VAMP7: variants seen among roughly 807,000 people sequenced by gnomAD.
VAMP7 encodes vesicle-associated membrane protein 7.
A neutral mutation model predicts 29.6 loss-of-function variants in VAMP7; 14 were observed. The observed-to-expected ratio is 0.47, with a 90% CI of 0.31 to 0.74. The LOEUF (loss-of-function observed/expected upper bound fraction) is 0.74, where lower values mean the gene tolerates loss of function less well. VAMP7 is among the 30% of genes least tolerant of loss of function. The probability of loss-of-function intolerance (pLI) is 0.05; values close to 1 mark genes in which losing one functional copy is unlikely to be tolerated. For missense variants in VAMP7, 223 were observed against 262.4 expected (o/e 0.85, Z 1.04); for synonymous variants, 95 against 88.1 (o/e 1.08, Z -0.44).
At chrX:155,914,370 T>G (rs1289945526) in intron 5 of VAMP7, among the ~76,000 whole-genome samples, 2 of 152,200 alleles carry the variant, frequency 1.3e-5, no homozygotes, top group Non-Finnish European at 2.9e-5. Flanking sequence ...TCTTGCCTGA[T>G]TGCCCTGGAC....
chrX:155,913,064 A>G (rs1000252100), intron 5 of VAMP7, among the ~76,000 whole-genome samples: 11 of 152,104 alleles, frequency 7.2e-5, no homozygotes, highest in Non-Finnish European at 1.5e-4. Flanking sequence ...AATGGTCGCC[A>G]TTCTTACTGG....
At chrX:155,914,316 A>G (rs1419948408) in intron 5 of VAMP7, among the ~76,000 whole-genome samples, 1 of 152,162 alleles carries the variant, frequency 6.6e-6, no homozygotes, top group Non-Finnish European at 1.5e-5. Context: ...AAGAGAGACA[A>G]TTTGACTTCC....
intron 4 of VAMP7, 151 bp downstream of exon 4, chrX:155,898,400 AT>A (rs2066015698): frequency 1.0e-6 from 1 of 1,000,812 alleles, no homozygotes; most frequent in African/African-American, 1.7e-5. Context: ...TAAAAAAAAA[AT>A]GTAAAGGGGC....
At chrX:155,926,624 A>T (rs1368736325) in intron 6 of VAMP7, among the ~76,000 whole-genome samples, 1 of 152,158 alleles carries the variant, frequency 6.6e-6, no homozygotes, top group Non-Finnish European at 1.5e-5. Context: ...TTGCTTTCTT[A>T]TATGTGTGTT....
At position 155,923,717 on chromosome X, in the gene VAMP7, A is replaced by G. The variant is rs185727312; in HGVS notation, c.501+3837A>G. On this transcript the variant is annotated intron_variant, in intron 6 of 7. Transcript: ENST00000286448. ...TTGTTGTAGTTTTCATCAAATTATG[A>G]AAATGTTTAGCTCTTTCTAGGCTTC... Among the ~76,000 whole-genome samples the G allele has an allele frequency of 9.2e-5, 14 of 152,102 alleles. 1 individual carries two copies. The highest frequency in any genetic ancestry group is 3.4e-4 in the African/African-American group (14 of 41,540).
chrX:155,941,957 A>T lies in VAMP7; in HGVS notation c.*6A>T. 6.2e-7 allele frequency: 1 copy of T among 1,613,822 alleles called. No homozygotes were observed. The highest frequency in any genetic ancestry group is 1.3e-5 in the African/African-American group (1 of 75,054). On this transcript the variant is annotated 3_prime_UTR_variant, in exon 8 of 8. Transcript: ENST00000286448. ...CAAGCTGTGTGAAGAAATAGGAAAG[A>T]AGAAGTTACCATTAACCAAGGATAT...
chrX:155,882,064 CAACT>C (rs759239342), intron 1 of VAMP7, among the ~76,000 whole-genome samples: 238 of 152,288 alleles, frequency 1.6e-3, no homozygotes, highest in African/African-American at 5.1e-3. Flanking sequence ...CACAACCAAC[CAACT>C]GTCTTCATTT....
chrX:155,897,981 G>A, intron 3 of VAMP7, 131 bp from the exon 4 acceptor site: 5 of 1,158,704 alleles, frequency 4.3e-6, no homozygotes, highest in Non-Finnish European at 6.0e-6. Context: ...CTTTAAGATA[G>A]GATCAATGCT....
In VAMP7 at chrX:155,895,280, G is replaced by A. The variant is rs1238440328; in HGVS notation, c.147-343G>A. Among the ~76,000 whole-genome samples, 3 of 152,282 alleles carry A rather than the reference G, an allele frequency of 2.0e-5. No homozygotes were observed. In the East Asian group the frequency reaches 5.8e-4, roughly 29 times the overall value. The stretch of plus-strand genomic sequence containing the variant: ...AGGAAAAAGCAAAGAAAACCATATG[G>A]CCTATTGGGGGTTAATCTTAATTAC... On this transcript the variant is annotated intron_variant, in intron 2 of 7. Transcript: ENST00000286448.
intron 5 of VAMP7, among the ~76,000 whole-genome samples, chrX:155,916,543 C>A (rs1442079482): frequency 1.3e-5 from 2 of 152,170 alleles, no homozygotes; most frequent in Non-Finnish European, 2.9e-5. Context: ...TCTTGTAAGG[C>A]AGGCCTGGTG....
chrX:155,915,907 C>T (rs952533633), intron 5 of VAMP7, among the ~76,000 whole-genome samples: 40 of 152,236 alleles, frequency 2.6e-4, no homozygotes, highest in African/African-American at 9.1e-4. Flanking sequence ...AGTTCAAGTC[C>T]TGAATATCCT....
At chrX:155,913,456 G>A (rs2066267186) in intron 5 of VAMP7, among the ~76,000 whole-genome samples, 1 of 152,108 alleles carries the variant, frequency 6.6e-6, no homozygotes, top group Admixed American at 6.5e-5. Context: ...CCATACCTAT[G>A]TCCTGAATGG....
intron 6 of VAMP7, among the ~76,000 whole-genome samples, 168 bp downstream of exon 6, chrX:155,920,048 A>G (rs930456338): frequency 2.6e-5 from 4 of 152,198 alleles, no homozygotes; most frequent in African/African-American, 9.6e-5. Flanking sequence ...AATGAGGCAT[A>G]GAAAAGAAAC....
intron 6 of VAMP7, among the ~76,000 whole-genome samples, chrX:155,933,711 C>G (rs2066601741): frequency 6.6e-6 from 1 of 152,108 alleles, no homozygotes; most frequent in African/African-American, 2.4e-5. Context: ...TCGTTCAGTT[C>G]TGCTCTGAGT....
chrX:155,928,626 A>G (rs929592503), intron 6 of VAMP7, among the ~76,000 whole-genome samples: 2 of 152,174 alleles, frequency 1.3e-5, no homozygotes, highest in Non-Finnish European at 2.9e-5. Context: ...GCTCACATGG[A>G]TAATCCAGGA....
chrX:155,915,753 T>G (rs901356413), intron 5 of VAMP7, among the ~76,000 whole-genome samples: 1 of 152,180 alleles, frequency 6.6e-6, no homozygotes, highest in Non-Finnish European at 1.5e-5. Flanking sequence ...TTCCATTTTT[T>G]GCATTTGCTG....
At chrX:155,917,608 C>A (rs2066332498) in intron 5 of VAMP7, among the ~76,000 whole-genome samples, 1 of 152,118 alleles carries the variant, frequency 6.6e-6, no homozygotes, top group African/African-American at 2.4e-5. Context: ...CACTCCAGAC[C>A]CAGTTTGCCT....
chrX:155,909,153 C>T (rs1219791321), intron 5 of VAMP7, among the ~76,000 whole-genome samples: 1 of 152,108 alleles, frequency 6.6e-6, no homozygotes, highest in East Asian at 1.9e-4. Flanking sequence ...CTGATTTAGT[C>T]TCTATGCTTG....
intron 6 of VAMP7, among the ~76,000 whole-genome samples, chrX:155,936,023 T>C (rs1243743474): frequency 6.6e-6 from 1 of 152,116 alleles, no homozygotes; most frequent in Non-Finnish European, 1.5e-5. Context: ...TGAATATTGC[T>C]GAACACCAAA....
Sources: allele counts gnomAD v4.1 joint callset (sites outside exome capture counted in the v4.1 genomes callset), GRCh38; gene constraint gnomAD v4.1.1; transcripts MANE v1.5; gene names NCBI Gene and HGNC (gene_info 2026-07-23, HGNC 2026-07-21).